Variants in PLAGL1 observed in about 807,000 individuals in gnomAD.
PLAGL1 encodes PLAG1 like zinc finger 1, also known as zinc finger protein PLAGL1.
Under a neutral mutation model 4.6 loss-of-function variants are expected in PLAGL1, and 1 was observed. The observed-to-expected ratio is 0.22, with a 90% CI of 0.08 to 1.03. PLAGL1 has a LOEUF of 1.03. Among genes scored for constraint, PLAGL1 ranks in the 50% least tolerant of loss-of-function variants. PLAGL1 has a pLI of 0.58. For missense variants in PLAGL1, 464 were observed against 570.4 expected (o/e 0.81, Z 1.90); for synonymous variants, 240 against 237.8 (o/e 1.01, Z -0.08).
In PLAGL1 at chr6:143,983,693, G is replaced by C. The variant is rs1164491313; in HGVS notation, c.-544+1442C>G. 6.6e-6 allele frequency among the ~76,000 whole-genome samples: 1 copy of C among 152,124 alleles called. No homozygotes were observed. The highest frequency in any genetic ancestry group is 1.5e-5 in the Non-Finnish European group (1 of 68,020). ...AATGAGAGGGTAGGCTATTGACGTTGAGTAAGGGAGGATGTGAGATATGAA... is the reference window on the plus strand; with the variant it reads ...AATGAGAGGGTAGGCTATTGACGTTCAGTAAGGGAGGATGTGAGATATGAA... On this transcript the variant is annotated intron_variant, in intron 2 of 7. Coordinates refer to ENST00000674357, the MANE Select transcript of PLAGL1 (RefSeq NM_001317162.2). The surrounding 1 kb of genome is among the most constrained non-coding windows in gnomAD (Gnocchi z 6.6).
At chr6:144,033,970 C>A (rs1396781062) in intron 1 of PLAGL1, among the ~76,000 whole-genome samples, 1 of 152,086 alleles carries the variant, frequency 6.6e-6, no homozygotes, top group African/African-American at 2.4e-5. Flanking sequence ...TAGAAGAACC[C>A]AAATAGAATT....
intron 1 of PLAGL1, among the ~76,000 whole-genome samples, chr6:144,031,207 T>C (rs1164408122): frequency 6.6e-6 from 1 of 152,218 alleles, no homozygotes; most frequent in East Asian, 1.9e-4. Flanking sequence ...GTTTGTTTTA[T>C]TCTTGCTGAT....
rs187867350 is a variant in PLAGL1 at position 143,961,744 on chromosome 6, A to G, written c.-398-1202T>C. On this transcript the variant is annotated intron_variant, in intron 5 of 7. Coordinates refer to ENST00000674357, the MANE Select transcript of PLAGL1 (RefSeq NM_001317162.2). This position sits in a 1 kb window ranked among gnomAD's most constrained non-coding sequence, Gnocchi z 6.5. ...AAAGGCTTGTATAAAATTTTTTTTG[A>G]AAGAGCTTTAAAAAGACATTAAAGC... Among the ~76,000 whole-genome samples the G allele has an allele frequency of 1.3e-5, 2 of 152,254 alleles. No individual in the cohort carries two copies. The highest frequency in any genetic ancestry group is 2.4e-5 in the African/African-American group (1 of 41,554).
chr6:143,951,814 G>C (rs757817620), intron 6 of PLAGL1, among the ~76,000 whole-genome samples: 4 of 152,176 alleles, frequency 2.6e-5, no homozygotes, highest in Non-Finnish European at 4.4e-5. Context: ...CCAAGGCTTT[G>C]AGTTCCAGGT....
chr6:144,046,143 C>T (rs185861855), intron 1 of PLAGL1, among the ~76,000 whole-genome samples: 114 of 152,290 alleles, frequency 7.5e-4, no homozygotes, highest in African/African-American at 2.5e-3. Flanking sequence ...TCCTTCAGCT[C>T]AGAGAAGTTT....
rs112696066 is a variant in PLAGL1 at position 144,056,671 on chromosome 6, T to C, written c.-151+7797A>G. Among the ~76,000 whole-genome samples, 12,610 of 152,234 alleles carry C rather than the reference T, an allele frequency of 0.083. 752 individuals carry two copies. Among genetic ancestry groups the C allele is most frequent in the Admixed American group, 0.21 (3,197 of 15,274 alleles). ...CTTGATAGCTCTTTGTTTTTGTTTTTGTTTTTTTAAATTTAGACAGGTTAT... is the reference window on the plus strand; with the variant it reads ...CTTGATAGCTCTTTGTTTTTGTTTTCGTTTTTTTAAATTTAGACAGGTTAT... On this transcript the variant is annotated intron_variant, in intron 1 of 3. Transcript: ENST00000437412. The surrounding 1 kb of genome is among the most constrained non-coding windows in gnomAD (Gnocchi z 4.7).
chr6:144,032,988 T>C (rs74662085), intron 1 of PLAGL1, among the ~76,000 whole-genome samples: 26,501 of 152,174 alleles, frequency 0.17, 3,003 homozygotes, highest in African/African-American at 0.31. Flanking sequence ...TGATAAGTGA[T>C]GATGAAGGAC....
intron 6 of PLAGL1, among the ~76,000 whole-genome samples, chr6:143,951,072 C>T (rs536444148): frequency 6.6e-6 from 1 of 151,862 alleles, no homozygotes; most frequent in East Asian, 1.9e-4. Flanking sequence ...TTCTGTGAAT[C>T]CAGTGGAAAG....
rs912250075 is a variant in PLAGL1 at position 144,059,268 on chromosome 6, C to A, written c.-151+5200G>T. Among the ~76,000 whole-genome samples, 4 of 152,260 alleles carry A rather than the reference C, an allele frequency of 2.6e-5. No individual in the cohort carries two copies. The highest frequency in any genetic ancestry group is 5.9e-5 in the Non-Finnish European group (4 of 68,044). On this transcript the variant is annotated intron_variant, in intron 1 of 3. Transcript: ENST00000437412. The surrounding 1 kb of genome is among the most constrained non-coding windows in gnomAD (Gnocchi z 4.9). ...CTTTGAACCAAGACTGGAACTGGAG[C>A]AGTGGAATGTGAGGAGCAGCTTCCC...
At position 144,052,343 on chromosome 6, in the gene PLAGL1, C is replaced by T. The variant is rs749945292; in HGVS notation, c.-151+12125G>A. The stretch of plus-strand genomic sequence containing the variant: ...ATTTTTGCTGATATTCAATAAGGGT[C>T]CTTTAGAATTATGTGAGGCAGTGTG... On this transcript the variant is annotated intron_variant, in intron 1 of 3. Transcript: ENST00000437412. 3.3e-5 allele frequency among the ~76,000 whole-genome samples: 5 copies of T among 152,192 alleles called. No homozygotes were observed. In the East Asian group the frequency reaches 5.8e-4, roughly 18 times the overall value.
rs1194995301 is a variant in PLAGL1, at chr6:143,978,131, T to C, written c.-544+7004A>G. On this transcript the variant is annotated intron_variant, in intron 2 of 7. Transcript: ENST00000674357. This position sits in a 1 kb window ranked among gnomAD's most constrained non-coding sequence, Gnocchi z 4.6. The stretch of plus-strand genomic sequence containing the variant: ...TGATCTTTTCAAAGAACCAGCTTTT[T>C]ATTTTGTTGATTTTCTCCATTGTTT... Among the ~76,000 whole-genome samples, 2 of 152,164 alleles carry C rather than the reference T, an allele frequency of 1.3e-5. No individual in the cohort carries two copies. The highest frequency in any genetic ancestry group is 2.4e-5 in the African/African-American group (1 of 41,436).
intron 1 of PLAGL1, among the ~76,000 whole-genome samples, chr6:144,042,970 CTGTT>C (rs1797852847): frequency 2.0e-5 from 3 of 152,124 alleles, no homozygotes; most frequent in Admixed American, 1.3e-4. Context: ...ATTTGGCTCT[CTGTT>C]TGTCTGTTAT....
chr6:144,019,730 C>T (rs1274675626), intron 1 of PLAGL1, among the ~76,000 whole-genome samples: 3 of 150,018 alleles, frequency 2.0e-5, no homozygotes, highest in Non-Finnish European at 4.4e-5. Context: ...TAGGGGAGCA[C>T]ATTGTACTGT....
rs192748541 is a variant in PLAGL1, at chr6:144,052,556, T to A, written c.-151+11912A>T. Reference sequence around the variant, plus strand: ...AACAGTGCTTGACATCTAATAGATGTTGTTAAACAAATGAATGGATGAATA... The same window carrying A: ...AACAGTGCTTGACATCTAATAGATGATGTTAAACAAATGAATGGATGAATA... On this transcript the variant is annotated intron_variant, in intron 1 of 3. Transcript: ENST00000437412. Among the ~76,000 whole-genome samples, 362 of 152,312 alleles carry A rather than the reference T, an allele frequency of 2.4e-3. 1 individual carries two copies. Among genetic ancestry groups the A allele is most frequent in the Non-Finnish European group, 4.1e-3 (282 of 68,026 alleles).
chr6:144,035,080 A>C (rs1329604470), intron 1 of PLAGL1, among the ~76,000 whole-genome samples: 1 of 152,190 alleles, frequency 6.6e-6, no homozygotes, highest in Admixed American at 6.5e-5. Context: ...AAAGTTTTTC[A>C]TACTAAAATG....
At chr6:144,035,612 C>T (rs1051212362) in intron 1 of PLAGL1, among the ~76,000 whole-genome samples, 5 of 152,184 alleles carry the variant, frequency 3.3e-5, no homozygotes, top group South Asian at 2.1e-4. Context: ...AGGAACAATG[C>T]TTTGCATCCT....
chr6:144,028,483 C>T (rs1362647221), intron 1 of PLAGL1, among the ~76,000 whole-genome samples: 5 of 151,976 alleles, frequency 3.3e-5, no homozygotes, highest in African/African-American at 4.8e-5. Flanking sequence ...GGGAAAGGGG[C>T]CTAATTTTAA....
At chr6:144,002,997 C>T (rs187350361) in intron 1 of PLAGL1, among the ~76,000 whole-genome samples, 18 of 150,660 alleles carry the variant, frequency 1.2e-4, no homozygotes, top group Non-Finnish European at 2.1e-4. Context: ...GGAGGGTTTA[C>T]AATACCATGT....
intron 1 of PLAGL1, among the ~76,000 whole-genome samples, chr6:144,028,603 C>T (rs546118026): frequency 1.3e-5 from 2 of 152,166 alleles, no homozygotes; most frequent in Non-Finnish European, 2.9e-5. Context: ...CAGTGAAATA[C>T]ATAAAAGAGT....
Sources: gnomAD v4.1 joint callset for allele counts (sites outside exome capture counted in the v4.1 genomes callset) on GRCh38, gnomAD v4.1.1 for gene constraint, Gnocchi (gnomAD v3.1) non-coding constraint, MANE v1.5 for transcripts, NCBI Gene and HGNC (gene_info 2026-07-23, HGNC 2026-07-21) for gene names.